Variants in CAMTA1 observed in about 807,000 individuals in gnomAD.
CAMTA1 encodes calmodulin-binding transcription activator 1.
In CAMTA1, 27 loss-of-function variants were observed where a neutral mutation model predicts 170.9. The observed-to-expected ratio is 0.16, with a 90% CI of 0.12 to 0.22. CAMTA1 has a LOEUF of 0.22. Ranked by LOEUF, CAMTA1 falls within the 10% of genes least tolerant of loss-of-function variation. The probability of loss-of-function intolerance (pLI) is 1.00; values close to 1 mark genes in which losing one functional copy is unlikely to be tolerated. For synonymous variants in CAMTA1, 833 were observed against 891.5 expected, an observed-to-expected ratio of 0.93 and a Z score of 1.17; for missense variants, 1,619 against 2,217.2, an observed-to-expected ratio of 0.73 and a Z score of 5.42.
At chr1:7,375,978 A>G (rs767619109) in intron 5 of CAMTA1, among the ~76,000 whole-genome samples, 1 of 152,192 alleles carries the variant, frequency 6.6e-6, no homozygotes, top group South Asian at 2.1e-4. Flanking sequence ...ATCAGGAGGC[A>G]GGCCTACCAA....
At chr1:7,576,352 T>A (rs1398333727) in intron 6 of CAMTA1, among the ~76,000 whole-genome samples, 1 of 152,136 alleles carries the variant, frequency 6.6e-6, no homozygotes, top group African/African-American at 2.4e-5. Context: ...TTGTGTTGTC[T>A]CCCCAAAATT....
chr1:6,921,481 T>G (rs12404499), intron 3 of CAMTA1, among the ~76,000 whole-genome samples: 17,082 of 152,284 alleles, frequency 0.11, 1,376 homozygotes, highest in Admixed American at 0.27. Flanking sequence ...TTCCAGCCTC[T>G]GCCTGTTACC....
At chr1:7,124,502 C>T (rs888800652) in intron 4 of CAMTA1, among the ~76,000 whole-genome samples, 1 of 152,244 alleles carries the variant, frequency 6.6e-6, no homozygotes, top group African/African-American at 2.4e-5. Flanking sequence ...GATGGCCCTT[C>T]TGCAATGGGA....
intron 3 of CAMTA1, among the ~76,000 whole-genome samples, chr1:6,916,520 C>CT (rs1288746272): frequency 6.6e-6 from 1 of 152,164 alleles, no homozygotes; most frequent in Non-Finnish European, 1.5e-5. Context: ...ATTCTCTCTC[C>CT]TTCTTTAAAC....
rs1018128858 is a variant in CAMTA1, at chr1:7,014,873, G to A, written c.235-76431G>A. 2.0e-5 allele frequency among the ~76,000 whole-genome samples: 3 copies of A among 152,170 alleles called. No individual in the cohort carries two copies. The highest frequency in any genetic ancestry group is 4.8e-5 in the African/African-American group (2 of 41,428). On this transcript the variant is annotated intron_variant, in intron 3 of 22. Transcript: ENST00000303635. The surrounding 1 kb of genome is among the most constrained non-coding windows in gnomAD (Gnocchi z 4.2). ...AGTGGGTTTCTGATGAATGCCTGGA[G>A]TTGTTTGTATAATTGGGGCTCTGTG...
At chr1:7,131,522 C>CTTTTTTTT (rs58819912) in intron 4 of CAMTA1, among the ~76,000 whole-genome samples, 3 of 126,692 alleles carry the variant, frequency 2.4e-5, no homozygotes, top group Non-Finnish European at 1.7e-5. Flanking sequence ...ATCGTCTTTT[C>CTTTTTTTT]TTTTTTTTTT....
At chr1:7,240,422 T>C (rs948521536) in intron 4 of CAMTA1, among the ~76,000 whole-genome samples, 5 of 152,188 alleles carry the variant, frequency 3.3e-5, no homozygotes, top group Non-Finnish European at 4.4e-5. Context: ...TATGAACTCA[T>C]AGATTTAAAC....
intron 3 of CAMTA1, among the ~76,000 whole-genome samples, chr1:7,061,284 T>A (rs574881444): frequency 6.6e-6 from 1 of 152,330 alleles, no homozygotes; most frequent in South Asian, 2.1e-4. Flanking sequence ...CCGCTCACCC[T>A]TGAGGGGTGC....
At chr1:7,544,394 G>A (rs2094660038) in intron 6 of CAMTA1, among the ~76,000 whole-genome samples, 1 of 152,114 alleles carries the variant, frequency 6.6e-6, no homozygotes, top group South Asian at 2.1e-4. Flanking sequence ...GATTTGGGTG[G>A]GGACACAGCC....
intron 5 of CAMTA1, among the ~76,000 whole-genome samples, chr1:7,433,608 C>T (rs1415830623): frequency 1.3e-5 from 2 of 152,212 alleles, no homozygotes; most frequent in Admixed American, 6.5e-5. Context: ...CCTGGAGGAA[C>T]CCCCAGAGAA....
At chr1:7,498,298 CAG>C (rs1281585061) in intron 6 of CAMTA1, among the ~76,000 whole-genome samples, 2 of 144,490 alleles carry the variant, frequency 1.4e-5, no homozygotes, top group African/African-American at 5.2e-5. Flanking sequence ...ATGAGCGTGA[CAG>C]TGAGTGTGGA....
At chr1:7,383,426 CG>C (rs1229287469) in intron 5 of CAMTA1, among the ~76,000 whole-genome samples, 6 of 152,132 alleles carry the variant, frequency 3.9e-5, no homozygotes, top group African/African-American at 7.2e-5. Context: ...AGATTCAAAC[CG>C]GTTAAAACCC....
At chr1:7,699,096 CTATG>C (rs1438860325) in intron 11 of CAMTA1, among the ~76,000 whole-genome samples, 2 of 152,188 alleles carry the variant, frequency 1.3e-5, no homozygotes, top group African/African-American at 4.8e-5. Flanking sequence ...TCTCCTTTGT[CTATG>C]TGTGTGTGTT....
chr1:7,181,035 A>G (rs1401673196), intron 4 of CAMTA1, among the ~76,000 whole-genome samples: 1 of 152,232 alleles, frequency 6.6e-6, no homozygotes, highest in Non-Finnish European at 1.5e-5. Context: ...CAATACCGCA[A>G]TAAGAAATCA....
At chr1:7,654,242 G>T (rs757229548) in intron 7 of CAMTA1, among the ~76,000 whole-genome samples, 1 of 151,960 alleles carries the variant, frequency 6.6e-6, no homozygotes, top group East Asian at 1.9e-4. Flanking sequence ...TTAGCCAGGC[G>T]TGGTGGCGCA....
At chr1:7,758,881 G>A (rs537946809) in intron 22 of CAMTA1, among the ~76,000 whole-genome samples, 4 of 143,100 alleles carry the variant, frequency 2.8e-5, no homozygotes, top group Admixed American at 1.5e-4. Flanking sequence ...CTTGCAGTGA[G>A]CCGAGATAGC....
chr1:7,269,040 T>C (rs1669319447), intron 5 of CAMTA1, among the ~76,000 whole-genome samples: 1 of 152,216 alleles, frequency 6.6e-6, no homozygotes, highest in Non-Finnish European at 1.5e-5. Context: ...ATGTAACAAA[T>C]AACCACAAAT....
In CAMTA1 at chr1:7,662,287, CCT is replaced by C. The variant is rs1185438850; in HGVS notation, c.805+424_805+425del. On this transcript the variant is annotated intron_variant, in intron 8 of 22. Transcript: ENST00000303635. ...ACGCAGGCGCAACCTCTTTCTTTAA[CCT>C]CTGTCTCCTCCAAGAACATGAAGCG... 4.6e-5 allele frequency among the ~76,000 whole-genome samples: 7 copies of C among 152,362 alleles called. No individual in the cohort carries two copies. In the South Asian group the frequency reaches 1.2e-3, roughly 27 times the overall value.
At chr1:6,873,380 G>C (rs1169030963) in intron 3 of CAMTA1, among the ~76,000 whole-genome samples, 1 of 152,064 alleles carries the variant, frequency 6.6e-6, no homozygotes, top group East Asian at 1.9e-4. Context: ...TAGCACTAAA[G>C]GAATGGCATC....
Sources: allele counts gnomAD v4.1 joint callset (sites outside exome capture counted in the v4.1 genomes callset), GRCh38; gene constraint gnomAD v4.1.1; non-coding constraint Gnocchi (gnomAD v3.1); transcripts MANE v1.5; gene names NCBI Gene and HGNC (gene_info 2026-07-23, HGNC 2026-07-21).